MAPK10: variants seen among roughly 807,000 people sequenced by gnomAD.
MAPK10 encodes the protein mitogen-activated protein kinase 10.
Under a neutral mutation model 59.3 loss-of-function variants are expected in MAPK10, and 25 were observed. That is an observed-to-expected ratio of 0.42 (90% CI 0.31 to 0.59). The LOEUF is 0.59. Among genes scored for constraint, MAPK10 ranks in the 20% least tolerant of loss-of-function variants. MAPK10 has a pLI of 0.15. For synonymous variants in MAPK10, 190 were observed against 200.5 expected, an observed-to-expected ratio of 0.95 and a Z score of 0.44; for missense variants, 351 against 568.9, an observed-to-expected ratio of 0.62 and a Z score of 3.90.
chr4:86,143,972 G>C (rs1000556479), intron 4 of MAPK10, among the ~76,000 whole-genome samples: 1 of 152,022 alleles, frequency 6.6e-6, no homozygotes, highest in African/African-American at 2.4e-5. Context: ...AGAGAATAAG[G>C]GTGAAAACAG....
At chr4:86,544,797 C>A (rs1261706865) in intron 1 of MAPK10, among the ~76,000 whole-genome samples, 1 of 151,926 alleles carries the variant, frequency 6.6e-6, no homozygotes, top group African/African-American at 2.4e-5. Context: ...CTGTGGTGAA[C>A]AAAAGGCTTT....
At chr4:86,097,843 T>C (rs965197911) in intron 9 of MAPK10, among the ~76,000 whole-genome samples, 1 of 152,108 alleles carries the variant, frequency 6.6e-6, no homozygotes, top group African/African-American at 2.4e-5. Context: ...CAGGACTCAG[T>C]AGTAGAACTT....
intron 1 of MAPK10, among the ~76,000 whole-genome samples, chr4:86,385,448 G>C (rs1460933618): frequency 2.6e-5 from 4 of 152,104 alleles, no homozygotes; most frequent in Non-Finnish European, 5.9e-5. Context: ...GACTTTAACA[G>C]TGTTCTTTCT....
chr4:86,477,553 C>T (rs543113482), intron 1 of MAPK10, among the ~76,000 whole-genome samples: 32 of 152,244 alleles, frequency 2.1e-4, no homozygotes, highest in African/African-American at 7.5e-4. Context: ...ACCTAATCAC[C>T]CTTACCCTGC....
chr4:86,353,136 C>G (rs112126298), intron 2 of MAPK10, among the ~76,000 whole-genome samples: 2 of 147,320 alleles, frequency 1.4e-5, no homozygotes, highest in Non-Finnish European at 3.0e-5. Flanking sequence ...CTACCACATC[C>G]GTGGTAGAGT....
chr4:86,049,551 T>C (rs142812403), intron 11 of MAPK10, among the ~76,000 whole-genome samples: 1 of 152,110 alleles, frequency 6.6e-6, no homozygotes, highest in Non-Finnish European at 1.5e-5. Context: ...TTATGTCACA[T>C]AGACTAAAAC....
intron 1 of MAPK10, among the ~76,000 whole-genome samples, chr4:86,464,586 C>T (rs911958468): frequency 2.6e-5 from 4 of 152,120 alleles, no homozygotes; most frequent in Non-Finnish European, 5.9e-5. Flanking sequence ...CTTTCGGATG[C>T]TGAGGCAGGC....
chr4:86,422,726 G>A (rs1237055526), intron 1 of MAPK10, among the ~76,000 whole-genome samples: 1 of 152,080 alleles, frequency 6.6e-6, no homozygotes, highest in East Asian at 1.9e-4. Flanking sequence ...GGCAGGCATA[G>A]AAACAAAAAG....
At chr4:86,070,008 A>G (rs186277815) in intron 9 of MAPK10, among the ~76,000 whole-genome samples, 39 of 152,338 alleles carry the variant, frequency 2.6e-4, no homozygotes, top group Admixed American at 1.5e-3. Context: ...GTAATAAATC[A>G]TAATTAGAAT....
At chr4:86,590,757 G>A (rs1198567386) in intron 1 of MAPK10, among the ~76,000 whole-genome samples, 1 of 151,980 alleles carries the variant, frequency 6.6e-6, no homozygotes, top group African/African-American at 2.4e-5. Context: ...CTACACTCCA[G>A]CCTGGGTAAC....
chr4:86,072,409 G>A (rs1044976234), intron 9 of MAPK10, among the ~76,000 whole-genome samples: 15 of 145,864 alleles, frequency 1.0e-4, no homozygotes, highest in East Asian at 2.0e-4. Context: ...AATTGCCCTG[G>A]CCAGAACTTC....
intron 1 of MAPK10, among the ~76,000 whole-genome samples, chr4:86,416,648 A>C (rs1458575778): frequency 2.0e-5 from 3 of 152,198 alleles, no homozygotes; most frequent in Non-Finnish European, 4.4e-5. Context: ...TGGTACATGA[A>C]GCTACCTCAG....
At chr4:86,083,187 T>G (rs891176756) in intron 9 of MAPK10, among the ~76,000 whole-genome samples, 1 of 152,084 alleles carries the variant, frequency 6.6e-6, no homozygotes, top group Non-Finnish European at 1.5e-5. Context: ...TCATCCCCCC[T>G]GAAAGGACCC....
At chr4:86,117,352 C>T (rs574711432) in intron 4 of MAPK10, among the ~76,000 whole-genome samples, 5 of 152,244 alleles carry the variant, frequency 3.3e-5, no homozygotes, top group African/African-American at 9.6e-5. Context: ...TTTAACAAAC[C>T]CCCTATTCCC....
intron 1 of MAPK10, among the ~76,000 whole-genome samples, chr4:86,491,440 A>G (rs1464570676): frequency 1.3e-5 from 2 of 152,128 alleles, no homozygotes; most frequent in Non-Finnish European, 2.9e-5. Flanking sequence ...CCCCAACCCC[A>G]GTTCTGAAGA....
At chr4:86,387,902 T>TA (rs1476610291) in intron 1 of MAPK10, among the ~76,000 whole-genome samples, 1 of 151,868 alleles carries the variant, frequency 6.6e-6, no homozygotes, top group African/African-American at 2.4e-5. Context: ...TTAAGACAGT[T>TA]ACTTAGAGTA....
chr4:86,496,079 C>T (rs942296033), intron 1 of MAPK10, among the ~76,000 whole-genome samples: 6 of 151,982 alleles, frequency 3.9e-5, no homozygotes, highest in Admixed American at 1.3e-4. Context: ...ACTCCATTAA[C>T]CAAAAATAAA....
chr4:86,210,594 C>T (rs1435665360), intron 2 of MAPK10, among the ~76,000 whole-genome samples: 2 of 151,620 alleles, frequency 1.3e-5, no homozygotes, highest in Non-Finnish European at 2.9e-5. Flanking sequence ...GCATTGCATG[C>T]CTATATCAAA....
intron 1 of MAPK10, among the ~76,000 whole-genome samples, chr4:86,433,436 A>T (rs1421796936): frequency 6.6e-6 from 1 of 150,874 alleles, no homozygotes; most frequent in African/African-American, 2.4e-5. Context: ...ATACTCTAGA[A>T]CTCCCTGTGG....
Sources: gnomAD v4.1 joint callset for allele counts (sites outside exome capture counted in the v4.1 genomes callset) on GRCh38, gnomAD v4.1.1 for gene constraint, MANE v1.5 for transcripts, NCBI Gene and HGNC (gene_info 2026-07-23, HGNC 2026-07-21) for gene names.